GALNT10: variants seen among roughly 807,000 people sequenced by gnomAD.
GALNT10 encodes the protein GalNAc transferase 10.
GALNT10 carries 41 observed loss-of-function variants against 75.0 expected under a neutral mutation model. The observed-to-expected ratio is 0.55, with a 90% CI of 0.43 to 0.71. The LOEUF is 0.71. Among genes scored for constraint, GALNT10 ranks in the 30% least tolerant of loss-of-function variants. GALNT10 has a pLI of 0.00. For synonymous variants in GALNT10, 302 were observed against 313.0 expected (o/e 0.96, Z 0.37); for missense variants, 727 against 818.5 (o/e 0.89, Z 1.36).
At chr5:154,390,447 C>CTATG (rs1755876867) in intron 7 of GALNT10, among the ~76,000 whole-genome samples, 1 of 152,226 alleles carries the variant, frequency 6.6e-6, no homozygotes, top group Non-Finnish European at 1.5e-5. Context: ...TCTTCACCAC[C>CTATG]TATGTATAAA....
chr5:154,222,298 A>G (rs1272178778), intron 1 of GALNT10, among the ~76,000 whole-genome samples: 2 of 151,938 alleles, frequency 1.3e-5, no homozygotes, highest in African/African-American at 4.8e-5. Flanking sequence ...GTGTGTATCA[A>G]CAGTGCATTC....
At chr5:154,192,610 C>G (rs1774875049) in intron 1 of GALNT10, among the ~76,000 whole-genome samples, 1 of 152,194 alleles carries the variant, frequency 6.6e-6, no homozygotes, top group African/African-American at 2.4e-5. Context: ...TGGTCCAGTT[C>G]TAACATTCTG....
intron 1 of GALNT10, among the ~76,000 whole-genome samples, chr5:154,232,404 C>T (rs1222722892): frequency 6.6e-6 from 1 of 152,154 alleles, no homozygotes; most frequent in East Asian, 1.9e-4. Context: ...CTAATGCCTG[C>T]TATGTGCCAG....
chr5:154,257,044 G>A (rs1225283052), intron 1 of GALNT10, among the ~76,000 whole-genome samples: 2 of 152,086 alleles, frequency 1.3e-5, no homozygotes, highest in East Asian at 1.9e-4. Context: ...GGAGGCCAAG[G>A]TGGGAGGATT....
At chr5:154,319,469 C>G (rs553605176) in intron 3 of GALNT10, among the ~76,000 whole-genome samples, 1 of 152,292 alleles carries the variant, frequency 6.6e-6, no homozygotes. Context: ...GGATTTGAGG[C>G]CTGAATCCAA....
intron 4 of GALNT10, among the ~76,000 whole-genome samples, chr5:154,355,374 G>T (rs1755274171): frequency 6.6e-6 from 1 of 152,200 alleles, no homozygotes; most frequent in South Asian, 2.1e-4. Flanking sequence ...TTCTGAGAAG[G>T]CTTCTCTGAT....
Position 154,362,957 on chromosome 5 carries a change from C to T in GALNT10, c.569-13320C>T, listed in dbSNP as rs147177880. On this transcript the variant is annotated intron_variant, in intron 4 of 11. Coordinates refer to ENST00000297107, the MANE Select transcript of GALNT10 (RefSeq NM_198321.4). ...CTGTTGAATCACAGAGCCCAGTGTT[C>T]TAACCTACCAACCGTCCACTTGGGC... Among the ~76,000 whole-genome samples, 33 of 152,322 alleles carry T rather than the reference C, an allele frequency of 2.2e-4. No individual in the cohort carries two copies. In the East Asian group the frequency reaches 6.4e-3, roughly 29 times the overall value.
chr5:154,247,956 A>G (rs112738705), intron 1 of GALNT10, among the ~76,000 whole-genome samples: 1 of 152,204 alleles, frequency 6.6e-6, no homozygotes, highest in Non-Finnish European at 1.5e-5. Context: ...GTTTGTCATA[A>G]ATAGCTCTTA....
chr5:154,339,710 CCTT>C (rs368119601), intron 4 of GALNT10, among the ~76,000 whole-genome samples: 16 of 152,272 alleles, frequency 1.1e-4, no homozygotes, highest in African/African-American at 3.6e-4. Flanking sequence ...CGTGGGTGAA[CCTT>C]CTACATTTTA....
rs551537016 is a variant in GALNT10, at chr5:154,190,762, C to G, written c.-105C>G. On this transcript the variant is annotated 5_prime_UTR_variant, in exon 1 of 12. Transcript: ENST00000297107. ...TGGAGCGGGGCCGGCGCCGCAGCCG[C>G]TTCTGCTGGCTGAGCTGCTGCCGCC... is the stretch of plus-strand genomic sequence containing the variant. The G allele has an allele frequency of 7.3e-4, 299 of 411,588 alleles. 2 individuals carry two copies. Among genetic ancestry groups the G allele is most frequent in the African/African-American group, 6.4e-3 (294 of 45,966 alleles). 25.5% of individuals were successfully genotyped at this position (411,588 alleles called of 1,614,324 possible).
intron 3 of GALNT10, among the ~76,000 whole-genome samples, chr5:154,317,538 T>C (rs1256813492): frequency 6.6e-6 from 1 of 152,132 alleles, no homozygotes; most frequent in East Asian, 1.9e-4. Context: ...CAGGTCACTT[T>C]CTCCTGGTCG....
At chr5:154,309,487 G>A (rs1156814073) in intron 3 of GALNT10, among the ~76,000 whole-genome samples, 1 of 152,232 alleles carries the variant, frequency 6.6e-6, no homozygotes. Context: ...TGGAAGCAGG[G>A]AGACTAGTTA....
rs13179879 is a variant in GALNT10, at chr5:154,416,175, C to G, written c.1653+243C>G. Reference sequence around the variant, plus strand: ...AAAAGTGCAGCCGGGCACAGTGGCTCATGCCTGTAATCCCAGCACTTTGGG... The same window carrying G: ...AAAAGTGCAGCCGGGCACAGTGGCTGATGCCTGTAATCCCAGCACTTTGGG... On this transcript the variant is annotated intron_variant, in intron 11 of 11. Transcript: ENST00000297107. This position sits in a 1 kb window ranked among gnomAD's most constrained non-coding sequence, Gnocchi z 4.5. Among the ~76,000 whole-genome samples, 6,536 of 152,272 alleles carry G rather than the reference C, an allele frequency of 0.043. 158 individuals carry two copies. The highest frequency in any genetic ancestry group is 0.062 in the Non-Finnish European group (4,216 of 68,026).
At chr5:154,211,002 A>G (rs1004410156) in intron 1 of GALNT10, among the ~76,000 whole-genome samples, 3 of 152,256 alleles carry the variant, frequency 2.0e-5, no homozygotes, top group Non-Finnish European at 4.4e-5. Flanking sequence ...GTGGAGAATG[A>G]TAACAGCCAA....
Position 154,415,928 on chromosome 5 carries a change from G to T in GALNT10, c.1649G>T (p.Arg550Leu), listed in dbSNP as rs145995359. 9 of 1,613,770 alleles carry T rather than the reference G, an allele frequency of 5.6e-6. No individual in the cohort carries two copies. In the East Asian group the frequency reaches 1.1e-4, roughly 20 times the overall value. The change falls in exon 11 of 12, where the codon CGC (arginine) becomes CTC (leucine). Residue 550 changes from arginine to leucine, a missense_variant. By Grantham distance (102) the Arg-to-Leu change is moderately radical. Coordinates refer to ENST00000297107, the MANE Select transcript of GALNT10 (RefSeq NM_198321.4). Reference sequence around the variant, plus strand: ...AAGGGCAACCAGCTGTGGAAATACCGCAAAGTAAGATGGGATGCGGGGGGA... The same window carrying T: ...AAGGGCAACCAGCTGTGGAAATACCTCAAAGTAAGATGGGATGCGGGGGGA... ...SMKGNQLWKY[R>L]KDKTLYHPVS...
At chr5:154,281,059 C>A (rs1417580625) in intron 1 of GALNT10, among the ~76,000 whole-genome samples, 7 of 152,138 alleles carry the variant, frequency 4.6e-5, no homozygotes, top group African/African-American at 1.4e-4. Context: ...CAACTTTGCC[C>A]CTCTTTTGAA....
At position 154,412,167 on chromosome 5, in the gene GALNT10, C is replaced by G. The variant is rs187904867; in HGVS notation, c.1387-722C>G. Among the ~76,000 whole-genome samples, 1 of 152,218 alleles carries G rather than the reference C, an allele frequency of 6.6e-6. No homozygotes were observed. Among genetic ancestry groups the G allele is most frequent in the Non-Finnish European group, 1.5e-5 (1 of 68,032 alleles). On this transcript the variant is annotated intron_variant, in intron 9 of 11. Coordinates refer to ENST00000297107, the MANE Select transcript of GALNT10 (RefSeq NM_198321.4). The surrounding 1 kb of genome is among the most constrained non-coding windows in gnomAD (Gnocchi z 4.2). ...TGCATTTTCATAGCCACCACAGCCC[C>G]CTATCCCTCAGATAAAGTAGGATTG...
intron 7 of GALNT10, among the ~76,000 whole-genome samples, chr5:154,396,199 T>A (rs1756015721): frequency 7.4e-6 from 1 of 135,504 alleles, no homozygotes; most frequent in South Asian, 2.5e-4. Flanking sequence ...GACCAGATCA[T>A]GTATGAATGA....
intron 4 of GALNT10, among the ~76,000 whole-genome samples, chr5:154,367,025 T>C (rs958795498): frequency 1.3e-5 from 2 of 152,092 alleles, no homozygotes; most frequent in African/African-American, 2.4e-5. Flanking sequence ...AGTAGACTCA[T>C]TGGAAGGTCA....
Sources: gnomAD v4.1 joint callset for allele counts (sites outside exome capture counted in the v4.1 genomes callset) on GRCh38, gnomAD v4.1.1 for gene constraint, Gnocchi (gnomAD v3.1) non-coding constraint, MANE v1.5 for transcripts, NCBI Gene and HGNC (gene_info 2026-07-23, HGNC 2026-07-21) for gene names.